ASIC2: variants seen among roughly 807,000 people sequenced by gnomAD.
ASIC2 encodes the protein acid-sensing ion channel 2.
In ASIC2, 25 loss-of-function variants were observed where a neutral mutation model predicts 57.3. The ratio of observed to expected loss-of-function variants is 0.44; its 90% CI spans 0.32 to 0.61. The LOEUF (loss-of-function observed/expected upper bound fraction) is 0.61, where lower values mean the gene tolerates loss of function less well. ASIC2 is among the 20% of genes least tolerant of loss of function. ASIC2 has a pLI of 0.06. For missense variants in ASIC2, 641 were observed against 738.1 expected, an observed-to-expected ratio of 0.87 and a Z score of 1.52; for synonymous variants, 319 against 307.5, an observed-to-expected ratio of 1.04 and a Z score of -0.39.
intron 1 of ASIC2, among the ~76,000 whole-genome samples, chr17:33,575,329 TAG>T (rs1348304603): frequency 6.6e-6 from 1 of 152,232 alleles, no homozygotes; most frequent in African/African-American, 2.4e-5. Flanking sequence ...ACAAGTTCCA[TAG>T]ATGCCATAGA....
In ASIC2 at chr17:33,682,252, A is replaced by C. The variant is rs548075966; in HGVS notation, c.555+473726T>G. 1.6e-4 allele frequency among the ~76,000 whole-genome samples: 24 copies of C among 150,542 alleles called. No individual in the cohort carries two copies. In the South Asian group the frequency reaches 4.7e-3, roughly 29 times the overall value. On this transcript the variant is annotated intron_variant, in intron 1 of 9. Transcript: ENST00000359872. ...TTTTTTTTTTTTTTATTTTTAGTAGAGACGGGGTTTCACCATGTTAGCCAG... is the reference window on the plus strand; with the variant it reads ...TTTTTTTTTTTTTTATTTTTAGTAGCGACGGGGTTTCACCATGTTAGCCAG...
rs1909901527 is a variant in ASIC2 at position 33,736,094 on chromosome 17, A to G, written c.555+419884T>C. Among the ~76,000 whole-genome samples the G allele has an allele frequency of 2.0e-5, 3 of 151,916 alleles. No homozygotes were observed. In the South Asian group the frequency reaches 6.2e-4, roughly 32 times the overall value. The stretch of plus-strand genomic sequence containing the variant: ...TAGTGCTTGATACAAGCAAAATAAT[A>G]AAGGTAAGAAAATAGTGCTCAATAA... On this transcript the variant is annotated intron_variant, in intron 1 of 9. Coordinates refer to the ASIC2 transcript ENST00000359872.
At chr17:33,086,056 A>G (rs1193685120) in intron 3 of ASIC2, among the ~76,000 whole-genome samples, 3 of 152,192 alleles carry the variant, frequency 2.0e-5, no homozygotes, top group Admixed American at 1.3e-4. Context: ...CCTACTCACC[A>G]TAGGGAGTCC....
intron 2 of ASIC2, among the ~76,000 whole-genome samples, chr17:33,110,283 C>T (rs533219467): frequency 6.6e-6 from 1 of 152,202 alleles, no homozygotes; most frequent in Non-Finnish European, 1.5e-5. Context: ...CAAGACTCCA[C>T]CCCCTGGACT....
rs1453350950 is a variant in ASIC2, at chr17:33,292,814, G to C, written c.-699C>G. The C allele has an allele frequency of 5.1e-6, 5 of 985,546 alleles. No homozygotes were observed. In the East Asian group the frequency reaches 3.4e-4, roughly 67 times the overall value. The allele number at this position is 985,546 out of a possible 1,614,324, so 61.1% of individuals were successfully genotyped here. A position where few individuals can be genotyped will look rare whatever the true frequency, so the allele number is the denominator to read the frequency against. The stretch of plus-strand genomic sequence containing the variant: ...TGTTACTGCTCCCTGGGCTGCGCTC[G>C]GCAGAGACCTGCTTAGGCTTCCCCA... On this transcript the variant is annotated 5_prime_UTR_variant, in exon 1 of 10. Transcript: ENST00000225823.
chr17:33,724,854 A>C (rs892441659), intron 1 of ASIC2, among the ~76,000 whole-genome samples: 3 of 152,162 alleles, frequency 2.0e-5, no homozygotes, highest in African/African-American at 7.2e-5. Flanking sequence ...ACACACACAT[A>C]CACACTCACA....
intron 1 of ASIC2, among the ~76,000 whole-genome samples, chr17:33,218,511 G>T (rs1482694524): frequency 6.6e-6 from 1 of 152,104 alleles, no homozygotes; most frequent in Admixed American, 6.6e-5. Flanking sequence ...TGCCTTGAAG[G>T]ACTGCAATAG....
intron 1 of ASIC2, chr17:33,984,162 C>T (rs1905728137): frequency 6.6e-6 from 1 of 152,266 alleles, no homozygotes; most frequent in Non-Finnish European, 1.5e-5. Context: ...TCAGCCCTCT[C>T]CAATGGAGGG....
chr17:33,929,088 G>A (rs1223279419), intron 1 of ASIC2, among the ~76,000 whole-genome samples: 8 of 152,140 alleles, frequency 5.3e-5, no homozygotes, highest in African/African-American at 1.9e-4. Flanking sequence ...TATTTGAGTT[G>A]CTGGGGCCTA....
chr17:33,394,327 G>T (rs1481545448), intron 1 of ASIC2, among the ~76,000 whole-genome samples: 1 of 152,204 alleles, frequency 6.6e-6, no homozygotes, highest in Non-Finnish European at 1.5e-5. Flanking sequence ...CCATCAGAAG[G>T]GGTAGAGCAT....
chr17:33,714,655 C>T (rs1333586064), intron 1 of ASIC2, among the ~76,000 whole-genome samples: 1 of 152,024 alleles, frequency 6.6e-6, no homozygotes, highest in Non-Finnish European at 1.5e-5. Context: ...TGCCTTTAGG[C>T]TTTGGAGGGA....
At chr17:33,971,993 C>G (rs1236110214) in intron 1 of ASIC2, among the ~76,000 whole-genome samples, 3 of 152,082 alleles carry the variant, frequency 2.0e-5, no homozygotes, top group African/African-American at 7.2e-5. Flanking sequence ...AAGTGCTTTC[C>G]CATTTGTAAC....
intron 1 of ASIC2, among the ~76,000 whole-genome samples, chr17:33,373,187 A>G (rs565665568): frequency 6.6e-6 from 1 of 152,360 alleles, no homozygotes; most frequent in African/African-American, 2.4e-5. Flanking sequence ...AATGGGTTCC[A>G]TAGAGCATGT....
chr17:33,902,760 G>A (rs1915258716), intron 1 of ASIC2, among the ~76,000 whole-genome samples: 1 of 152,124 alleles, frequency 6.6e-6, no homozygotes, highest in East Asian at 1.9e-4. Flanking sequence ...GATTTTTTAG[G>A]GTGGAACCCC....
At chr17:33,579,256 A>C (rs1211882709) in intron 1 of ASIC2, among the ~76,000 whole-genome samples, 1 of 144,648 alleles carries the variant, frequency 6.9e-6, no homozygotes, top group Non-Finnish European at 1.5e-5. Flanking sequence ...ATTGCACTCC[A>C]GCCTGGGTAG....
chr17:33,332,121 C>T (rs1398907474), intron 1 of ASIC2, among the ~76,000 whole-genome samples: 3 of 152,152 alleles, frequency 2.0e-5, no homozygotes, highest in African/African-American at 7.2e-5. Context: ...CCTAGTTGAC[C>T]AAGTGGTGCC....
intron 1 of ASIC2, among the ~76,000 whole-genome samples, chr17:33,255,884 C>A (rs752037328): frequency 3.9e-5 from 6 of 152,078 alleles, no homozygotes; most frequent in Admixed American, 6.6e-5. Context: ...GGAAAAGTTG[C>A]AAGAATGCTA....
chr17:33,582,137 G>A (rs1286504641), intron 1 of ASIC2, among the ~76,000 whole-genome samples: 1 of 152,164 alleles, frequency 6.6e-6, no homozygotes, highest in African/African-American at 2.4e-5. Flanking sequence ...AAGCCACCGA[G>A]TTTGGCAATT....
At chr17:33,647,449 C>T (rs1051210695) in intron 1 of ASIC2, among the ~76,000 whole-genome samples, 7 of 152,262 alleles carry the variant, frequency 4.6e-5, no homozygotes, top group East Asian at 3.9e-4. Context: ...CACCCCAAGA[C>T]GCAGGAGAGA....
Sources: allele counts gnomAD v4.1 joint callset (sites outside exome capture counted in the v4.1 genomes callset), GRCh38; gene constraint gnomAD v4.1.1; transcripts MANE v1.5; gene names NCBI Gene and HGNC (gene_info 2026-07-23, HGNC 2026-07-21).